The following SUPT3H variants were observed in gnomAD, a reference collection of about 807,000 sequenced individuals.
The protein encoded by SUPT3H is SPT3 homolog, SAGA and STAGA complex component, also known as transcription initiation protein SPT3 homolog.
A neutral mutation model predicts 44.3 loss-of-function variants in SUPT3H; 44 were observed. The ratio of observed to expected loss-of-function variants is 0.99; its 90% CI spans 0.78 to 1.28. SUPT3H has a LOEUF of 1.28. Among genes scored for constraint, SUPT3H ranks in the 50% most tolerant of loss-of-function variants. The pLI, the probability that SUPT3H is intolerant of heterozygous loss-of-function variation, is 0.00. For synonymous variants in SUPT3H, 124 were observed against 125.6 expected (o/e 0.99, Z 0.09); for missense variants, 380 against 387.1 (o/e 0.98, Z 0.15).
chr6:45,056,052 T>C (rs956816574), intron 3 of SUPT3H, among the ~76,000 whole-genome samples: 4 of 152,056 alleles, frequency 2.6e-5, no homozygotes, highest in African/African-American at 9.7e-5. Flanking sequence ...TATATACAAA[T>C]GATCAACAAA....
At chr6:44,963,617 A>G (rs1181647282) in intron 6 of SUPT3H, among the ~76,000 whole-genome samples, 1 of 152,214 alleles carries the variant, frequency 6.6e-6, no homozygotes, top group African/African-American at 2.4e-5. Flanking sequence ...CCCTCTTTTT[A>G]ATGTATCTGA....
chr6:45,131,568 A>C (rs928075125), intron 2 of SUPT3H, among the ~76,000 whole-genome samples: 1 of 152,202 alleles, frequency 6.6e-6, no homozygotes, highest in Non-Finnish European at 1.5e-5. Context: ...AGTTTTGATA[A>C]AGGAAGCCAT....
chr6:44,932,150 A>G (rs79121480), intron 10 of SUPT3H, among the ~76,000 whole-genome samples: 17,907 of 152,178 alleles, frequency 0.12, 1,245 homozygotes, highest in African/African-American at 0.19. Context: ...CCATTAAAAC[A>G]ACACAAAACC....
At chr6:44,837,477 G>T (rs857601) in intron 10 of SUPT3H, among the ~76,000 whole-genome samples, 111,032 of 152,056 alleles carry the variant, frequency 0.73, 40,832 homozygotes, top group East Asian at 0.96. Flanking sequence ...TTCCTAAAAA[G>T]TGGGCTTAGA....
chr6:45,143,275 C>T (rs1285022), intron 2 of SUPT3H, among the ~76,000 whole-genome samples: 91,937 of 151,934 alleles, frequency 0.61, 28,425 homozygotes, highest in African/African-American at 0.74. Context: ...GCACATGGAA[C>T]GTTCTGCAAG....
chr6:45,128,535 T>C (rs1243828882), intron 2 of SUPT3H, among the ~76,000 whole-genome samples: 2 of 43,602 alleles, frequency 4.6e-5, no homozygotes, highest in African/African-American at 2.2e-4. Context: ...AAAAAAAAAA[T>C]ATATATATAT....
At chr6:45,055,084 C>T (rs1017142920) in intron 3 of SUPT3H, among the ~76,000 whole-genome samples, 2 of 151,806 alleles carry the variant, frequency 1.3e-5, no homozygotes, top group African/African-American at 4.8e-5. Flanking sequence ...TACAGAAAGG[C>T]AGACAGATTT....
At chr6:44,981,163 A>G (rs1779043316) in intron 6 of SUPT3H, among the ~76,000 whole-genome samples, 1 of 152,204 alleles carries the variant, frequency 6.6e-6, no homozygotes, top group Non-Finnish European at 1.5e-5. Flanking sequence ...ACTTCATCTT[A>G]GGGAGAAATA....
chr6:44,843,935 ACACACACAC>A (rs1561872464), intron 10 of SUPT3H, among the ~76,000 whole-genome samples: 5 of 135,484 alleles, frequency 3.7e-5, no homozygotes, highest in Admixed American at 1.4e-4. Flanking sequence ...ACGCACACAC[ACACACACAC>A]ACACACACAC....
chr6:45,358,710 A>G (rs1019067692), intron 2 of SUPT3H, among the ~76,000 whole-genome samples: 2 of 152,202 alleles, frequency 1.3e-5, no homozygotes, highest in African/African-American at 4.8e-5. Flanking sequence ...TGTATTGCAG[A>G]ATATAAAGTT....
intron 2 of SUPT3H, among the ~76,000 whole-genome samples, chr6:45,263,794 T>C (rs1277829973): frequency 6.6e-6 from 1 of 152,132 alleles, no homozygotes; most frequent in Non-Finnish European, 1.5e-5. Context: ...CCCCCAAAAA[T>C]GTGCTTTTTC....
At chr6:45,018,355 T>G (rs944711737) in intron 4 of SUPT3H, among the ~76,000 whole-genome samples, 6 of 151,234 alleles carry the variant, frequency 4.0e-5, no homozygotes, top group African/African-American at 1.2e-4. Context: ...TCCTGCCTAA[T>G]TGCCCTGGCC....
intron 10 of SUPT3H, among the ~76,000 whole-genome samples, chr6:44,893,909 C>T (rs1475598800): frequency 4.9e-5 from 7 of 143,354 alleles, no homozygotes; most frequent in Non-Finnish European, 1.1e-4. Context: ...TTAATGATCG[C>T]CATTCTAACT....
At chr6:44,989,249 G>A (rs950196446) in intron 6 of SUPT3H, among the ~76,000 whole-genome samples, 5 of 152,058 alleles carry the variant, frequency 3.3e-5, no homozygotes, top group Admixed American at 6.6e-5. Context: ...TTCTTTCTGT[G>A]TCTGGCTTAC....
intron 10 of SUPT3H, among the ~76,000 whole-genome samples, chr6:44,830,117 A>G (rs1417491347): frequency 6.6e-6 from 1 of 152,158 alleles, no homozygotes; most frequent in Admixed American, 6.6e-5. Flanking sequence ...CATTTTGTTA[A>G]CTGATTGGGC....
Position 44,942,262 on chromosome 6 carries a change from T to C in SUPT3H, c.802-9499A>G, listed in dbSNP as rs143395964. ...CTACTGAATGAGTTGCAGAGTACAA[T>C]AGCTGAAATTCTTACAAACTTTGAA... On this transcript the variant is annotated intron_variant, in intron 9 of 10. Transcript: ENST00000371459. 2.2e-3 allele frequency among the ~76,000 whole-genome samples: 327 copies of C among 151,990 alleles called. 1 individual carries two copies. Among genetic ancestry groups the C allele is most frequent in the African/African-American group, 7.6e-3 (314 of 41,478 alleles).
chr6:44,895,314 G>A (rs1050714448), intron 10 of SUPT3H, among the ~76,000 whole-genome samples: 2 of 142,052 alleles, frequency 1.4e-5, no homozygotes, highest in Non-Finnish European at 3.0e-5. Flanking sequence ...GGCTGGTCTC[G>A]AACTTCTAGG....
chr6:44,966,335 T>C (rs1051171652), intron 6 of SUPT3H, among the ~76,000 whole-genome samples: 1 of 151,796 alleles, frequency 6.6e-6, no homozygotes, highest in African/African-American at 2.4e-5. Context: ...AAAATGAACA[T>C]AATTTTTTTT....
chr6:45,124,627 A>C (rs576141913), intron 2 of SUPT3H, among the ~76,000 whole-genome samples: 1 of 118,612 alleles, frequency 8.4e-6, no homozygotes, highest in South Asian at 3.4e-4. Context: ...GCTAACAGAG[A>C]CTCCATCTCA....
Sources: allele counts gnomAD v4.1 joint callset (sites outside exome capture counted in the v4.1 genomes callset), GRCh38; gene constraint gnomAD v4.1.1; transcripts MANE v1.5; gene names NCBI Gene and HGNC (gene_info 2026-07-23, HGNC 2026-07-21).